The following ATP6V1B2 variants were observed in gnomAD, a reference collection of about 807,000 sequenced individuals.
The protein encoded by ATP6V1B2 is ATPase H+ transporting V1 subunit B2.
Under a neutral mutation model 66.7 loss-of-function variants are expected in ATP6V1B2, and 23 were observed. The observed-to-expected ratio is 0.34, with a 90% CI of 0.25 to 0.49. ATP6V1B2 has a LOEUF of 0.49. ATP6V1B2 is among the 20% of genes least tolerant of loss of function. The pLI is 0.99. For missense variants in ATP6V1B2, 478 were observed against 650.8 expected, an observed-to-expected ratio of 0.73 and a Z score of 2.89; for synonymous variants, 278 against 236.7, an observed-to-expected ratio of 1.17 and a Z score of -1.60.
chr8:20,206,614 C>G (rs967527949), intron 2 of ATP6V1B2, among the ~76,000 whole-genome samples: 2 of 152,234 alleles, frequency 1.3e-5, no homozygotes, highest in Non-Finnish European at 2.9e-5. Context: ...CCTGAAGAGT[C>G]CCGAGCACAG....
rs780642196 is a variant in ATP6V1B2 at position 20,197,472 on chromosome 8, T to C, written c.66T>C (p.Gly22=). The C allele has an allele frequency of 4.6e-6, 7 of 1,522,514 alleles. No homozygotes were observed. The highest frequency in any genetic ancestry group is 2.7e-5 in the East Asian group (1 of 37,676). 94.3% of individuals were successfully genotyped at this position (1,522,514 alleles called of 1,614,324 possible). A position where few individuals can be genotyped will look rare whatever the true frequency, so the allele number is the denominator to read the frequency against. The stretch of plus-strand genomic sequence containing the variant: ...CACCCGAGCTACCCGTGCCCACCGG[T>C]GGGCCGGCGGTGGGAGCTCGGGAGC... The part of the protein sequence containing the change: ...GAAPELPVPT[G]GPAVGAREQA... Residue 22 remains glycine, a synonymous_variant, in exon 1 of 14, where the codon GGT becomes GGC. Transcript: ENST00000276390.
At chr8:20,208,286 A>G (rs547138263) in intron 2 of ATP6V1B2, among the ~76,000 whole-genome samples, 23 of 152,332 alleles carry the variant, frequency 1.5e-4, no homozygotes, top group African/African-American at 5.3e-4. Context: ...TCCACTGGTA[A>G]AAGAACAGCT....
chr8:20,211,779 G>C, intron 7 of ATP6V1B2, 26 bp downstream of exon 7: 3 of 1,555,598 alleles, frequency 1.9e-6, no homozygotes. Context: ...GTTTTAGTAT[G>C]ATATGTAAAA....
chr8:20,204,446 T>C (rs2072717773), intron 1 of ATP6V1B2, 38 bp from the exon 2 acceptor site: 5 of 1,574,652 alleles, frequency 3.2e-6, no homozygotes, highest in Non-Finnish European at 4.4e-6. Flanking sequence ...GCTTTTGTGC[T>C]ATTTGACTAA....
Position 20,211,028 on chromosome 8 carries a change from A to G in ATP6V1B2, c.464-149A>G, listed in dbSNP as rs1044692870. 27 of 1,061,660 alleles carry G rather than the reference A, an allele frequency of 2.5e-5. No individual in the cohort carries two copies. In the South Asian group the frequency reaches 3.7e-4, roughly 15 times the overall value. 65.8% of individuals were successfully genotyped at this position (1,061,660 alleles called of 1,614,324 possible). On this transcript the variant is annotated intron_variant, in intron 5 of 13. Coordinates refer to ENST00000276390, the MANE Select transcript of ATP6V1B2 (RefSeq NM_001693.4). ...TTATTTCAAGTTTCATATTTGAAAA[A>G]TAACTGATTTTTTTTGTAGTAAAGA...
chr8:20,197,410 G>A lies in ATP6V1B2; in HGVS notation c.4G>A (p.Ala2Thr). The A allele has an allele frequency of 1.9e-6, 3 of 1,540,978 alleles. No individual in the cohort carries two copies. The highest frequency in any genetic ancestry group is 2.6e-6 in the Non-Finnish European group (3 of 1,145,112). Reference protein sequence around the residue: MALRAMRGIVNG... With the variant: MTLRAMRGIVNG... ...CAGTCGGGACAGAGGAGACAAGATG[G>A]CGCTGCGGGCGATGCGGGGGATTGT... The change falls in exon 1 of 14, where the codon GCG (alanine) becomes ACG (threonine). Residue 2 changes from alanine (A) to threonine (T), a missense_variant. Coordinates refer to ENST00000276390, the MANE Select transcript of ATP6V1B2 (RefSeq NM_001693.4).
Position 20,211,165 on chromosome 8 carries a change from G to T in ATP6V1B2, c.464-12G>T. On this transcript the variant is annotated splice_polypyrimidine_tract_variant and intron_variant, in intron 5 of 13. Transcript: ENST00000276390. ...CAACTTGTTGAAATTTTCCTTTTTG[G>T]AAATACATTAGGTCAGCCAATCAAC... 2 of 1,595,084 alleles carry T rather than the reference G, an allele frequency of 1.3e-6. No homozygotes were observed. The highest frequency in any genetic ancestry group is 1.7e-6 in the Non-Finnish European group (2 of 1,174,304).
In ATP6V1B2 at chr8:20,220,584, A is replaced by G. The variant is rs768375671; in HGVS notation, c.*182A>G. 1.5e-5 allele frequency: 13 copies of G among 855,376 alleles called. No individual in the cohort carries two copies. Among genetic ancestry groups the G allele is most frequent in the Non-Finnish European group, 2.1e-5 (13 of 606,422 alleles). The allele number at this position is 855,376 out of a possible 1,614,324, so 53.0% of individuals were successfully genotyped here. ...GTTTTAAACTGCTAACAGACCTTAA[A>G]ATATCCCCCTACCTGGGTCCTCAGT... On this transcript the variant is annotated 3_prime_UTR_variant, in exon 14 of 14. Transcript: ENST00000276390.
Position 20,210,403 on chromosome 8 carries a change from GA to G in ATP6V1B2, c.350del (p.Asp117ValfsTer53). The G allele has an allele frequency of 6.2e-7, 1 of 1,613,580 alleles. No individual in the cohort carries two copies. The highest frequency in any genetic ancestry group is 8.5e-7 in the Non-Finnish European group (1 of 1,179,666). Reference sequence around the variant, plus strand: ...GAAAACGTCCTGTGAGTTTACTGGGGATATTCTCCGAACACCGGTGTCTGAG... The same window carrying G: ...GAAAACGTCCTGTGAGTTTACTGGGGTATTCTCCGAACACCGGTGTCTGAG... ...AKKTSCEFTG[D>X]ILRTPVSEDM... On this transcript the variant is annotated frameshift_variant, in exon 4 of 14. Coordinates refer to ENST00000276390, the MANE Select transcript of ATP6V1B2 (RefSeq NM_001693.4). LOFTEE classifies it high-confidence loss of function.
In ATP6V1B2 at chr8:20,217,744, T is replaced by G. The variant is rs369177431; in HGVS notation, c.1267-409T>G. 2.0e-5 allele frequency among the ~76,000 whole-genome samples: 3 copies of G among 152,188 alleles called. No individual in the cohort carries two copies. The South Asian group carries it at 6.2e-4, about 31-fold the overall frequency. ...CCTTGATTTTTATACTCATATAAGATTGTACACTAACACAAATAAAGAAAA... is the reference window on the plus strand; with the variant it reads ...CCTTGATTTTTATACTCATATAAGAGTGTACACTAACACAAATAAAGAAAA... On this transcript the variant is annotated intron_variant, in intron 12 of 13. Coordinates refer to ENST00000276390, the MANE Select transcript of ATP6V1B2 (RefSeq NM_001693.4).
chr8:20,218,013 A>G, intron 12 of ATP6V1B2, 140 bp from the exon 13 acceptor site: 3 of 1,154,640 alleles, frequency 2.6e-6, no homozygotes, highest in Non-Finnish European at 3.6e-6. Flanking sequence ...GTACTTTCAT[A>G]TGAATTTTAT....
intron 8 of ATP6V1B2, among the ~76,000 whole-genome samples, chr8:20,212,549 C>T (rs2072805860): frequency 6.6e-6 from 1 of 152,144 alleles, no homozygotes; most frequent in Admixed American, 6.5e-5. Context: ...TCCTTCCTAC[C>T]TGCCTGCCCC....
intron 12 of ATP6V1B2, 55 bp from the exon 13 acceptor site, chr8:20,218,098 T>C (rs2072872780): frequency 1.9e-6 from 3 of 1,596,658 alleles, no homozygotes; most frequent in Non-Finnish European, 2.6e-6. Context: ...ATATCCCAGA[T>C]GACTGAACAT....
intron 2 of ATP6V1B2, among the ~76,000 whole-genome samples, chr8:20,208,998 C>G (rs1470977721): frequency 1.3e-5 from 2 of 152,052 alleles, no homozygotes; most frequent in Non-Finnish European, 2.9e-5. Context: ...TGTGAGCCAC[C>G]GCGCCTAGCC....
chr8:20,205,411 G>T (rs2072729003), intron 2 of ATP6V1B2, among the ~76,000 whole-genome samples: 1 of 152,184 alleles, frequency 6.6e-6, no homozygotes, highest in African/African-American at 2.4e-5. Context: ...TGCAGATATA[G>T]TATCAATGTC....
At chr8:20,206,595 G>C (rs2072740357) in intron 2 of ATP6V1B2, among the ~76,000 whole-genome samples, 1 of 152,168 alleles carries the variant, frequency 6.6e-6, no homozygotes, top group African/African-American at 2.4e-5. Flanking sequence ...GATGATCATA[G>C]AGTGAGGCCC....
At chr8:20,211,479 T>C in intron 6 of ATP6V1B2, 163 bp downstream of exon 6, 1 of 1,268,266 alleles carries the variant, frequency 7.9e-7, no homozygotes, top group South Asian at 1.5e-5. Context: ...CATGTCTTCT[T>C]GCTTACCCTT....
chr8:20,210,842 A>T (rs950020034), intron 5 of ATP6V1B2, among the ~76,000 whole-genome samples, 196 bp downstream of exon 5: 1 of 152,108 alleles, frequency 6.6e-6, no homozygotes, highest in Non-Finnish European at 1.5e-5. Flanking sequence ...TAATATCTTA[A>T]GATACTGTAA....
intron 10 of ATP6V1B2, 73 bp downstream of exon 10, chr8:20,215,041 G>A: frequency 6.9e-7 from 1 of 1,446,242 alleles, no homozygotes; most frequent in Non-Finnish European, 9.3e-7. Context: ...ACCTTTTCGA[G>A]TTGAAGTTAT....
Sources: allele counts gnomAD v4.1 joint callset (sites outside exome capture counted in the v4.1 genomes callset), GRCh38; gene constraint gnomAD v4.1.1; transcripts MANE v1.5; gene names NCBI Gene and HGNC (gene_info 2026-07-23, HGNC 2026-07-21).